MYLK3: variants seen among roughly 807,000 people sequenced by gnomAD.
MYLK3 encodes myosin light chain kinase 3.
Under a neutral mutation model 76.3 loss-of-function variants are expected in MYLK3, and 55 were observed. The observed-to-expected ratio is 0.72, with a 90% CI of 0.58 to 0.90. The LOEUF (loss-of-function observed/expected upper bound fraction) is 0.90. MYLK3 is among the 40% of genes least tolerant of loss of function. The probability of loss-of-function intolerance (pLI) is 0.00; values close to 1 mark genes in which losing one functional copy is unlikely to be tolerated. For synonymous variants in MYLK3, 416 were observed against 425.4 expected, an observed-to-expected ratio of 0.98 and a Z score of 0.27; for missense variants, 973 against 1,053.6, an observed-to-expected ratio of 0.92 and a Z score of 1.06.
chr16:46,709,932 G>C lies in MYLK3; in HGVS notation c.2268-261C>G, dbSNP rs548207485. On this transcript the variant is annotated intron_variant, in intron 11 of 12. Transcript: ENST00000394809. ...CTGGGAGGAACCACTTCCCAGAGGG[G>C]GCTGAGAAGTTGAGGCAGGGCAGTA... Among the ~76,000 whole-genome samples the C allele has an allele frequency of 2.0e-5, 3 of 152,314 alleles. No individual in the cohort carries two copies. In the East Asian group the frequency reaches 5.8e-4, roughly 29 times the overall value.
intron 1 of MYLK3, among the ~76,000 whole-genome samples, chr16:46,741,842 C>A (rs1419979677): frequency 6.6e-6 from 1 of 150,852 alleles, no homozygotes; most frequent in Non-Finnish European, 1.5e-5. Context: ...TGGATCCCAG[C>A]TCACTGCAGC....
At chr16:46,713,439 T>G (rs1325559615) in intron 9 of MYLK3, among the ~76,000 whole-genome samples, 1 of 152,170 alleles carries the variant, frequency 6.6e-6, no homozygotes, top group Admixed American at 6.5e-5. Flanking sequence ...GCTCAAACAA[T>G]CTGCCTGTCT....
At chr16:46,727,211 A>G in intron 8 of MYLK3, 25 bp downstream of exon 8, 1 of 1,607,274 alleles carries the variant, frequency 6.2e-7, no homozygotes, top group African/African-American at 1.3e-5. Flanking sequence ...AGGGGCCCCT[A>G]CCGCATGCCC....
At chr16:46,763,030 A>AC in intron 1 of MYLK3, 3 of 985,436 alleles carry the variant, frequency 3.0e-6, no homozygotes, top group Non-Finnish European at 3.6e-6. Flanking sequence ...TTATCACTGC[A>AC]CTTACATACC....
intron 8 of MYLK3, among the ~76,000 whole-genome samples, chr16:46,722,500 G>A (rs1966809460): frequency 6.6e-6 from 1 of 152,170 alleles, no homozygotes; most frequent in Admixed American, 6.5e-5. Flanking sequence ...TCCTCAGATA[G>A]GTGTGAGAGA....
At chr16:46,734,443 A>G (rs1369839650) in intron 3 of MYLK3, among the ~76,000 whole-genome samples, 1 of 152,160 alleles carries the variant, frequency 6.6e-6, no homozygotes, top group Non-Finnish European at 1.5e-5. Flanking sequence ...GAGAAAGTCC[A>G]TCTCTACTAA....
intron 9 of MYLK3, among the ~76,000 whole-genome samples, chr16:46,718,218 G>A (rs1298559654): frequency 1.3e-5 from 2 of 152,202 alleles, no homozygotes. Flanking sequence ...AATAGGTTGA[G>A]AAACACTGCC....
At position 46,710,719 on chromosome 16, in the gene MYLK3, A is replaced by G. The variant is rs755058936; in HGVS notation, c.2185T>C (p.Trp729Arg). ...ETMNFIVNCS[W>R]DFDADTFEGL... is the part of the protein sequence containing the mutation. Reference sequence around the variant, plus strand: ...TCAAAGGTGTCAGCATCAAAATCCCAGCTACAGTTTACAATGAAATTCATG... The same window carrying G: ...TCAAAGGTGTCAGCATCAAAATCCCGGCTACAGTTTACAATGAAATTCATG... The change falls in exon 11 of 13, where the codon TGG becomes CGG. Residue 729 changes from tryptophan (W) to arginine (R), a missense_variant. Around this residue, in one of 2 missense-constraint regions of MYLK3, gnomAD observed 332 missense variants for 416.6 expected, o/e 0.80. Coordinates refer to ENST00000394809, the MANE Select transcript of MYLK3 (RefSeq NM_182493.3). 14 of 1,614,044 alleles carry G rather than the reference A, an allele frequency of 8.7e-6. No homozygotes were observed. In the East Asian group the frequency reaches 2.4e-4, roughly 28 times the overall value.
chr16:46,729,847 G>A (rs538119979), intron 5 of MYLK3, 160 bp from the exon 6 acceptor site: 56 of 642,066 alleles, frequency 8.7e-5, no homozygotes, highest in African/African-American at 6.0e-4. Flanking sequence ...TGGCTATCCC[G>A]AAACCTGCAA....
chr16:46,762,913 G>C lies in MYLK3; in HGVS notation c.-114+127C>G. The C allele has an allele frequency of 7.4e-6, 5 of 679,564 alleles. No homozygotes were observed. In the South Asian group the frequency reaches 2.6e-4, roughly 35 times the overall value. The allele number at this position is 679,564 out of a possible 1,614,324, so 42.1% of individuals were successfully genotyped here. On this transcript the variant is annotated intron_variant, in intron 1 of 11. Transcript: ENST00000536476. ...ACCCATGCACTTGCAACCAAGAGCT[G>C]CTCATTTTTCTTGTCGTTTTTGATC... is the stretch of plus-strand genomic sequence containing the variant.
chr16:46,747,216 C>A (rs1431159504), intron 1 of MYLK3, among the ~76,000 whole-genome samples: 1 of 152,220 alleles, frequency 6.6e-6, no homozygotes, highest in Non-Finnish European at 1.5e-5. Context: ...TGCCTGCTGT[C>A]CCCCTGGGTC....
intron 8 of MYLK3, chr16:46,725,815 T>C (rs1026123384): frequency 6.6e-6 from 1 of 152,360 alleles, no homozygotes; most frequent in Middle Eastern, 3.4e-3. Context: ...CTTCTATTTT[T>C]GGAAGAATTT....
rs567744083 is a variant in MYLK3, at chr16:46,731,970, C to A, written c.1462+238G>T. ...CCTGTCTCCAAAAAAGGAAATGTAC[C>A]CAGGTGGGCCACACGTGTCCCCTCT... is the stretch of plus-strand genomic sequence containing the variant. On this transcript the variant is annotated intron_variant, in intron 4 of 12. Coordinates refer to ENST00000394809, the MANE Select transcript of MYLK3 (RefSeq NM_182493.3). Among the ~76,000 whole-genome samples the A allele has an allele frequency of 3.3e-5, 5 of 152,150 alleles. No individual in the cohort carries two copies. In the East Asian group the frequency reaches 9.7e-4, roughly 29 times the overall value.
chr16:46,735,165 T>C (rs1966862351), intron 3 of MYLK3, among the ~76,000 whole-genome samples: 1 of 151,142 alleles, frequency 6.6e-6, no homozygotes, highest in Non-Finnish European at 1.5e-5. Flanking sequence ...AGGGGGGCGC[T>C]AAGATGTTAA....
Position 46,707,482 on chromosome 16 carries a change from A to G in MYLK3, c.*222T>C, listed in dbSNP as rs1596742956. On this transcript the variant is annotated 3_prime_UTR_variant, in exon 13 of 13. Transcript: ENST00000394809. The stretch of plus-strand genomic sequence containing the variant: ...GGTATATTTGAAAGGTACTCAGAGC[A>G]TTTCACACGTAGTGATCTTACAAGG... The G allele has an allele frequency of 5.9e-6, 3 of 505,750 alleles. No homozygotes were observed. In the East Asian group the frequency reaches 9.6e-5, roughly 16 times the overall value. 31.3% of individuals were successfully genotyped at this position (505,750 alleles called of 1,614,324 possible). A position where few individuals can be genotyped will look rare whatever the true frequency, so the allele number is the denominator to read the frequency against.
At chr16:46,728,440 G>A (rs1224543957) in intron 7 of MYLK3, among the ~76,000 whole-genome samples, 1 of 152,202 alleles carries the variant, frequency 6.6e-6, no homozygotes, top group African/African-American at 2.4e-5. Flanking sequence ...CTAAAAATAG[G>A]CAGAGTGTGG....
At chr16:46,737,619 C>T (rs775467227) in intron 3 of MYLK3, 92 bp downstream of exon 3, 91 of 1,258,186 alleles carry the variant, frequency 7.2e-5, no homozygotes, top group Non-Finnish European at 9.1e-5. Context: ...AGCCCAGGAA[C>T]ATGTATGCAG....
intron 1 of MYLK3, among the ~76,000 whole-genome samples, chr16:46,760,420 A>G (rs1967262149): frequency 1.3e-5 from 2 of 152,188 alleles, no homozygotes; most frequent in Non-Finnish European, 2.9e-5. Context: ...CCTTAGCTGC[A>G]CTGTCTTATT....
intron 1 of MYLK3, among the ~76,000 whole-genome samples, chr16:46,742,445 AAAACACACACACAC>A (rs1172115010): frequency 5.0e-4 from 65 of 130,268 alleles, no homozygotes; most frequent in African/African-American, 1.1e-3. Context: ...AATCCCAGCA[AAAACACACACACAC>A]ACACACACAC....
Sources: allele counts gnomAD v4.1 joint callset (sites outside exome capture counted in the v4.1 genomes callset), GRCh38; gene constraint gnomAD v4.1.1; regional missense constraint gnomAD v4.1.1; transcripts MANE v1.5; gene names NCBI Gene and HGNC (gene_info 2026-07-23, HGNC 2026-07-21).